The following NFIA variants were observed in gnomAD, a reference collection of about 807,000 sequenced individuals.
NFIA encodes the protein nuclear factor 1 A-type.
Under a neutral mutation model 62.8 loss-of-function variants are expected in NFIA, and 8 were observed. The observed-to-expected ratio is 0.13, with a 90% CI of 0.07 to 0.23. NFIA has a LOEUF of 0.23. NFIA is among the 10% of genes least tolerant of loss of function. The pLI, the probability that NFIA is intolerant of heterozygous loss-of-function variation, is 1.00. For missense variants in NFIA, 410 were observed against 642.1 expected (o/e 0.64, Z 3.91); for synonymous variants, 235 against 238.1 (o/e 0.99, Z 0.12).
At chr1:61,133,037 T>G (rs1028270782) in intron 2 of NFIA, 1 of 152,210 alleles carries the variant, frequency 6.6e-6, no homozygotes, top group Non-Finnish European at 1.5e-5. Flanking sequence ...AAGATGTCCA[T>G]GTGCATTCTT....
chr1:61,394,753 T>C (rs1665179302), intron 7 of NFIA, among the ~76,000 whole-genome samples: 1 of 152,170 alleles, frequency 6.6e-6, no homozygotes, highest in Non-Finnish European at 1.5e-5. Context: ...CACAGTAGGA[T>C]TACTCCTCAA....
intron 3 of NFIA, among the ~76,000 whole-genome samples, chr1:61,297,704 G>C (rs1031841882): frequency 6.6e-6 from 1 of 152,146 alleles, no homozygotes; most frequent in Non-Finnish European, 1.5e-5. Context: ...TTTTTATGCA[G>C]GTGATAGGCA....
intron 2 of NFIA, among the ~76,000 whole-genome samples, chr1:61,098,301 C>G (rs1421665128): frequency 2.6e-5 from 4 of 152,072 alleles, no homozygotes; most frequent in African/African-American, 9.7e-5. Context: ...AGTGGGTTAC[C>G]AGTGTTTGAA....
At chr1:61,137,310 C>A (rs531880374) in intron 2 of NFIA, among the ~76,000 whole-genome samples, 34 of 152,136 alleles carry the variant, frequency 2.2e-4, no homozygotes, top group African/African-American at 7.5e-4. Flanking sequence ...TTATTACTGA[C>A]CTAATTTTGC....
intron 2 of NFIA, among the ~76,000 whole-genome samples, chr1:61,264,653 CAAAAAAAAAAAAAAAA>C (rs1165980251): frequency 4.9e-5 from 3 of 60,742 alleles, no homozygotes; most frequent in Admixed American, 2.7e-4. Flanking sequence ...CTCCACCTTA[CAAAAAAAAAAAAAAAA>C]AAAAAAAAAA....
chr1:61,101,786 A>G (rs572626181), intron 2 of NFIA, among the ~76,000 whole-genome samples: 2 of 152,208 alleles, frequency 1.3e-5, no homozygotes, highest in African/African-American at 4.8e-5. Context: ...TTATTAAAAG[A>G]AAAGAGATAC....
chr1:61,284,291 T>A (rs955367082), intron 3 of NFIA, among the ~76,000 whole-genome samples: 18 of 152,218 alleles, frequency 1.2e-4, no homozygotes, highest in African/African-American at 4.3e-4. Flanking sequence ...TCTCTCTTCT[T>A]TAAGAGATTA....
chr1:61,108,726 C>T (rs932908350), intron 2 of NFIA, among the ~76,000 whole-genome samples: 1 of 151,554 alleles, frequency 6.6e-6, no homozygotes, highest in Non-Finnish European at 1.5e-5. Context: ...TTTCGCTGCT[C>T]ACATTTTAAT....
At chr1:61,352,787 A>G (rs896057689) in intron 5 of NFIA, among the ~76,000 whole-genome samples, 3 of 148,294 alleles carry the variant, frequency 2.0e-5, no homozygotes, top group African/African-American at 7.5e-5. Context: ...ACACACACGC[A>G]CACACACTAA....
At chr1:61,311,092 A>T (rs913294489) in intron 3 of NFIA, among the ~76,000 whole-genome samples, 1 of 152,156 alleles carries the variant, frequency 6.6e-6, no homozygotes, top group South Asian at 2.1e-4. Flanking sequence ...AAGTAATTTT[A>T]AAAAAACACA....
At chr1:61,428,058 C>T (rs1016592670) in intron 10 of NFIA, among the ~76,000 whole-genome samples, 2 of 152,062 alleles carry the variant, frequency 1.3e-5, no homozygotes, top group Non-Finnish European at 2.9e-5. Context: ...ATTGCTTTTC[C>T]CAAAGCACGA....
intron 3 of NFIA, among the ~76,000 whole-genome samples, chr1:61,295,311 G>A (rs1311587295): frequency 1.3e-5 from 2 of 152,196 alleles, no homozygotes; most frequent in Non-Finnish European, 2.9e-5. Flanking sequence ...GGAGGCCAGA[G>A]TAAACTAGGA....
chr1:61,147,519 G>A (rs1270976881), intron 2 of NFIA, among the ~76,000 whole-genome samples: 1 of 152,180 alleles, frequency 6.6e-6, no homozygotes, highest in African/African-American at 2.4e-5. Context: ...ATAACTTTGA[G>A]TTACTGTAAC....
chr1:61,193,390 T>C (rs924369700), intron 2 of NFIA, among the ~76,000 whole-genome samples: 4 of 152,198 alleles, frequency 2.6e-5, no homozygotes, highest in African/African-American at 9.7e-5. Context: ...TAGAGGTGTC[T>C]TAGGTGAAGT....
chr1:61,248,799 G>C (rs1557660857), intron 2 of NFIA: 1 of 152,174 alleles, frequency 6.6e-6, no homozygotes, highest in East Asian at 1.9e-4. Context: ...ATCTTCCCCA[G>C]CCCCAATTCC....
chr1:61,421,205 C>T (rs1430842762), intron 9 of NFIA, among the ~76,000 whole-genome samples: 2 of 152,124 alleles, frequency 1.3e-5, no homozygotes, highest in East Asian at 3.9e-4. Context: ...TTTTTAGGCA[C>T]TCATGTTTCC....
At chr1:61,317,217 A>G (rs771736429) in intron 3 of NFIA, among the ~76,000 whole-genome samples, 2 of 152,130 alleles carry the variant, frequency 1.3e-5, no homozygotes, top group Non-Finnish European at 2.9e-5. Flanking sequence ...TTCTTTCTCT[A>G]TATACTTCTG....
intron 2 of NFIA, among the ~76,000 whole-genome samples, chr1:61,239,512 A>G (rs1173734304): frequency 6.6e-6 from 1 of 152,190 alleles, no homozygotes; most frequent in Non-Finnish European, 1.5e-5. Context: ...TTCTTCTTCA[A>G]CATAATAACT....
chr1:61,236,226 G>A (rs1463848974), intron 2 of NFIA, among the ~76,000 whole-genome samples: 1 of 151,994 alleles, frequency 6.6e-6, no homozygotes, highest in Non-Finnish European at 1.5e-5. Context: ...ATCAACATGG[G>A]AACAGCCATC....
Sources: gnomAD v4.1 joint callset for allele counts (sites outside exome capture counted in the v4.1 genomes callset) on GRCh38, gnomAD v4.1.1 for gene constraint, MANE v1.5 for transcripts, NCBI Gene and HGNC (gene_info 2026-07-23, HGNC 2026-07-21) for gene names.